STPG2: variants seen among roughly 807,000 people sequenced by gnomAD.
STPG2 encodes the protein sperm tail PG-rich repeat containing 2, also known as sperm-tail PG-rich repeat-containing protein 2.
A neutral mutation model predicts 54.2 loss-of-function variants in STPG2; 56 were observed. That is an observed-to-expected ratio of 1.03 (90% CI 0.83 to 1.29). The LOEUF is 1.29. Ranked by LOEUF, STPG2 falls within the 50% of genes most tolerant of loss-of-function variation. The pLI is 0.00. For synonymous variants in STPG2, 200 were observed against 181.8 expected (o/e 1.10, Z -0.81); for missense variants, 596 against 544.9 (o/e 1.09, Z -0.93).
chr4:97,467,933 C>A (rs1383946636), intron 4 of STPG2, among the ~76,000 whole-genome samples: 2 of 149,772 alleles, frequency 1.3e-5, no homozygotes. Context: ...TGGCATACTA[C>A]ATAGACTGTA....
At chr4:97,492,713 C>T (rs1429757423) in intron 4 of STPG2, among the ~76,000 whole-genome samples, 2 of 150,712 alleles carry the variant, frequency 1.3e-5, no homozygotes, top group African/African-American at 4.9e-5. Context: ...ATTATATTTC[C>T]ACCAGAAGAA....
intron 8 of STPG2, among the ~76,000 whole-genome samples, chr4:97,881,467 C>A (rs1355278472): frequency 1.3e-5 from 2 of 152,034 alleles, no homozygotes; most frequent in Non-Finnish European, 2.9e-5. Flanking sequence ...GGCTAATATT[C>A]TTTAAGGAAG....
chr4:98,004,111 C>T (rs1209354040), intron 5 of STPG2, among the ~76,000 whole-genome samples: 3 of 152,032 alleles, frequency 2.0e-5, no homozygotes, highest in Non-Finnish European at 4.4e-5. Context: ...ATCTTCAGAA[C>T]TTATTCATCT....
chr4:97,601,584 C>T (rs964241325), intron 10 of STPG2, among the ~76,000 whole-genome samples: 3 of 151,728 alleles, frequency 2.0e-5, no homozygotes, highest in African/African-American at 7.3e-5. Flanking sequence ...GTCTTTAATC[C>T]ATCTTGAGCT....
At chr4:97,643,341 A>C (rs1207260311) in intron 10 of STPG2, among the ~76,000 whole-genome samples, 3 of 151,738 alleles carry the variant, frequency 2.0e-5, no homozygotes, top group African/African-American at 4.8e-5. Context: ...AACAAACTCT[A>C]TACATGCATT....
At chr4:97,700,218 C>T (rs187204195) in intron 10 of STPG2, among the ~76,000 whole-genome samples, 1 of 152,256 alleles carries the variant, frequency 6.6e-6, no homozygotes, top group East Asian at 1.9e-4. Flanking sequence ...GATACCACAA[C>T]CAATTGGATC....
Position 97,681,638 on chromosome 4 carries a change from A to G in STPG2, c.1320+31061T>C, listed in dbSNP as rs140066656. On this transcript the variant is annotated intron_variant, in intron 10 of 10. Coordinates refer to ENST00000295268, the MANE Select transcript of STPG2 (RefSeq NM_174952.3). ...AGCAACTCAACATTTTACAAAAGAC[A>G]TGACTTTTGTTTTTAATCAAATTGG... Among the ~76,000 whole-genome samples, 80 of 151,992 alleles carry G rather than the reference A, an allele frequency of 5.3e-4. No individual in the cohort carries two copies. The East Asian group carries it at 0.013, about 25-fold the overall frequency.
intron 8 of STPG2, among the ~76,000 whole-genome samples, chr4:97,854,422 A>C (rs72686427): frequency 6.7e-6 from 1 of 149,624 alleles, no homozygotes; most frequent in Non-Finnish European, 1.5e-5. Flanking sequence ...ATAGATAAGC[A>C]CTACTTAAAC....
chr4:97,538,785 C>A (rs978779945), intron 4 of STPG2, among the ~76,000 whole-genome samples: 4 of 152,224 alleles, frequency 2.6e-5, no homozygotes, highest in African/African-American at 9.6e-5. Flanking sequence ...TTAAGGGCAG[C>A]CAGAGAGAAA....
intron 5 of STPG2, among the ~76,000 whole-genome samples, chr4:97,989,631 T>A (rs932658727): frequency 6.6e-6 from 1 of 152,184 alleles, no homozygotes; most frequent in Non-Finnish European, 1.5e-5. Context: ...TGTCAATAAC[T>A]TTCACCTTTC....
intron 10 of STPG2, among the ~76,000 whole-genome samples, chr4:97,580,427 G>A (rs556198132): frequency 2.1e-4 from 32 of 151,940 alleles, no homozygotes; most frequent in African/African-American, 6.5e-4. Flanking sequence ...GAAATTTAAA[G>A]ATTCTCCTAC....
At chr4:97,985,436 T>G (rs903874129) in intron 5 of STPG2, among the ~76,000 whole-genome samples, 1 of 152,146 alleles carries the variant, frequency 6.6e-6, no homozygotes, top group African/African-American at 2.4e-5. Flanking sequence ...TATTTAAAAT[T>G]AATAATTGAA....
chr4:97,644,862 T>C (rs978574494), intron 10 of STPG2, among the ~76,000 whole-genome samples: 2 of 152,050 alleles, frequency 1.3e-5, no homozygotes, highest in Non-Finnish European at 2.9e-5. Flanking sequence ...CTTGCTTCCC[T>C]CTTCTCAAAC....
chr4:97,882,849 G>C (rs147849662), intron 8 of STPG2, among the ~76,000 whole-genome samples: 2 of 151,938 alleles, frequency 1.3e-5, no homozygotes, highest in Non-Finnish European at 2.9e-5. Context: ...TAAGGCAAAG[G>C]TATGCAAATC....
intron 9 of STPG2, among the ~76,000 whole-genome samples, chr4:97,810,560 T>C (rs910058216): frequency 7.9e-5 from 12 of 152,044 alleles, no homozygotes; most frequent in Admixed American, 5.2e-4. Context: ...TCCTAAAGCC[T>C]TCCCATGAGT....
intron 10 of STPG2, among the ~76,000 whole-genome samples, chr4:97,634,387 G>C (rs1308632727): frequency 6.6e-6 from 1 of 152,014 alleles, no homozygotes; most frequent in South Asian, 2.1e-4. Flanking sequence ...CCACAAAGAT[G>C]GGGAAAAAAC....
At chr4:97,684,536 G>C (rs1039175114) in intron 10 of STPG2, among the ~76,000 whole-genome samples, 1 of 151,738 alleles carries the variant, frequency 6.6e-6, no homozygotes, top group Non-Finnish European at 1.5e-5. Context: ...ACATTCACAC[G>C]CAAAAAATAA....
chr4:98,130,839 G>A (rs970814183), intron 2 of STPG2, among the ~76,000 whole-genome samples: 25 of 146,942 alleles, frequency 1.7e-4, no homozygotes, highest in Non-Finnish European at 3.0e-4. Flanking sequence ...GGAGAATGGC[G>A]TGAACCCGGG....
rs564643048 is a variant in STPG2, at chr4:97,860,706, G to A, written c.1045-19774C>T. On this transcript the variant is annotated intron_variant, in intron 8 of 10. Transcript: ENST00000295268. ...AGTCGTTGGGGTTTTCTAGATACAT[G>A]ACCGTATCATCAGCAAACAGATAGT... 5.9e-5 allele frequency among the ~76,000 whole-genome samples: 9 copies of A among 151,980 alleles called. No individual in the cohort carries two copies. The South Asian group carries it at 1.9e-3, about 32-fold the overall frequency.
Sources: allele counts gnomAD v4.1 joint callset (sites outside exome capture counted in the v4.1 genomes callset), GRCh38; gene constraint gnomAD v4.1.1; transcripts MANE v1.5; gene names NCBI Gene and HGNC (gene_info 2026-07-23, HGNC 2026-07-21).